The following EPHA6 variants were observed in gnomAD, a reference collection of about 807,000 sequenced individuals.
EPHA6 encodes the protein ephrin type-A receptor 6.
In EPHA6, 50 loss-of-function variants were observed where a neutral mutation model predicts 112.0. The ratio of observed to expected loss-of-function variants is 0.45; its 90% CI spans 0.36 to 0.56. EPHA6 has a LOEUF of 0.56. Among genes scored for constraint, EPHA6 ranks in the 20% least tolerant of loss-of-function variants. The probability of loss-of-function intolerance (pLI) is 0.00; values close to 1 mark genes in which losing one functional copy is unlikely to be tolerated. For synonymous variants in EPHA6, 529 were observed against 490.7 expected, an observed-to-expected ratio of 1.08 and a Z score of -1.03; for missense variants, 1,280 against 1,417.4, an observed-to-expected ratio of 0.90 and a Z score of 1.56.
intron 3 of EPHA6, among the ~76,000 whole-genome samples, chr3:97,115,876 T>A (rs763824502): frequency 6.6e-6 from 1 of 151,826 alleles, no homozygotes; most frequent in East Asian, 1.9e-4. Context: ...ATCATCATCA[T>A]GTGAAAAGCA....
At chr3:96,994,693 ATGTGTGTGTGTGTGTG>A (rs1255806171) in intron 3 of EPHA6, among the ~76,000 whole-genome samples, 1 of 109,904 alleles carries the variant, frequency 9.1e-6, no homozygotes, top group Non-Finnish European at 1.8e-5. Flanking sequence ...GTGTGTGTGT[ATGTGTGTGTGTGTGTG>A]TATATATATA....
rs1474112128 is a variant in EPHA6, at chr3:97,527,468, T to C, written c.2201-4890T>C. Among the ~76,000 whole-genome samples the C allele has an allele frequency of 2.0e-5, 3 of 152,138 alleles. No individual in the cohort carries two copies. In the East Asian group the frequency reaches 5.8e-4, roughly 29 times the overall value. ...TGCGTGACCACCTATTCTGCCATCT[T>C]ATCTCATCCCCTAGATATCTGTTTT... is the stretch of plus-strand genomic sequence containing the variant. On this transcript the variant is annotated intron_variant, in intron 10 of 17. Coordinates refer to ENST00000389672, the MANE Select transcript of EPHA6 (RefSeq NM_001080448.3).
intron 3 of EPHA6, among the ~76,000 whole-genome samples, chr3:97,172,385 T>C (rs1442374059): frequency 1.3e-5 from 2 of 152,030 alleles, no homozygotes; most frequent in East Asian, 3.9e-4. Context: ...GCTGGGAAGC[T>C]ATTTACTTTT....
intron 2 of EPHA6, among the ~76,000 whole-genome samples, chr3:96,931,624 C>T (rs2040331061): frequency 6.6e-6 from 1 of 152,346 alleles, no homozygotes; most frequent in South Asian, 2.1e-4. Context: ...TTTGCACTCT[C>T]CAAAGACAGC....
At chr3:97,056,678 G>T (rs780570955) in intron 3 of EPHA6, among the ~76,000 whole-genome samples, 1 of 152,150 alleles carries the variant, frequency 6.6e-6, no homozygotes, top group Non-Finnish European at 1.5e-5. Context: ...TAGTGCATAT[G>T]AATATAAAAT....
intron 14 of EPHA6, among the ~76,000 whole-genome samples, chr3:97,702,728 G>T (rs1051770875): frequency 6.6e-6 from 1 of 151,912 alleles, no homozygotes; most frequent in Non-Finnish European, 1.5e-5. Flanking sequence ...GGTCATTCTG[G>T]CTTCAACCCA....
chr3:97,317,352 C>T (rs1273744691), intron 5 of EPHA6, among the ~76,000 whole-genome samples: 1 of 151,958 alleles, frequency 6.6e-6, no homozygotes, highest in East Asian at 1.9e-4. Context: ...ACTATAAGTT[C>T]TCTTTTGCCC....
intron 14 of EPHA6, among the ~76,000 whole-genome samples, chr3:97,641,501 G>T (rs913257865): frequency 1.3e-5 from 2 of 152,150 alleles, no homozygotes; most frequent in Non-Finnish European, 2.9e-5. Flanking sequence ...GCAGAAGACG[G>T]GTGATTTCTG....
At chr3:97,466,786 C>T (rs2091071107) in intron 7 of EPHA6, among the ~76,000 whole-genome samples, 1 of 151,910 alleles carries the variant, frequency 6.6e-6, no homozygotes, top group Non-Finnish European at 1.5e-5. Context: ...ATCTCTCCAA[C>T]TTCCTCTTGT....
At chr3:97,158,979 C>G (rs2076352544) in intron 3 of EPHA6, among the ~76,000 whole-genome samples, 2 of 152,038 alleles carry the variant, frequency 1.3e-5, no homozygotes, top group Admixed American at 1.3e-4. Context: ...TTTGTGTGAC[C>G]CAGTTCCCAG....
chr3:96,940,212 T>C (rs1330297454), intron 2 of EPHA6, among the ~76,000 whole-genome samples: 12 of 152,148 alleles, frequency 7.9e-5, no homozygotes, highest in Non-Finnish European at 1.3e-4. Context: ...GTTAAAGTCT[T>C]CCATTATTAT....
chr3:97,116,730 G>A (rs970060996), intron 3 of EPHA6, among the ~76,000 whole-genome samples: 1 of 151,132 alleles, frequency 6.6e-6, no homozygotes, highest in African/African-American at 2.4e-5. Flanking sequence ...TTATACATTT[G>A]TCTGTCAGTG....
intron 3 of EPHA6, among the ~76,000 whole-genome samples, chr3:97,135,682 G>A (rs1313859152): frequency 6.6e-6 from 1 of 150,820 alleles, no homozygotes; most frequent in Non-Finnish European, 1.5e-5. Context: ...TCCCGGTGAT[G>A]CCCATACTGC....
At position 96,835,332 on chromosome 3, in the gene EPHA6, A is replaced by G. The variant is rs555612130; in HGVS notation, c.385+20324A>G. Among the ~76,000 whole-genome samples the G allele has an allele frequency of 1.4e-4, 22 of 152,192 alleles. No homozygotes were observed. The East Asian group carries it at 1.5e-3, about 11-fold the overall frequency. ...TATGTACAGCTTATCAAAGGCTTCA[A>G]AGGAAGTGGTGGTCACATCTACTTT... On this transcript the variant is annotated intron_variant, in intron 1 of 17. Transcript: ENST00000389672.
intron 12 of EPHA6, among the ~76,000 whole-genome samples, chr3:97,595,957 G>A (rs1000329293): frequency 1.7e-4 from 24 of 140,496 alleles, no homozygotes; most frequent in African/African-American, 6.5e-4. Flanking sequence ...CCAGGCTGGA[G>A]TGCAGTGGCA....
At chr3:96,940,384 G>A (rs2040866534) in intron 2 of EPHA6, among the ~76,000 whole-genome samples, 3 of 152,188 alleles carry the variant, frequency 2.0e-5, no homozygotes, top group South Asian at 2.1e-4. Flanking sequence ...ATCTTTGTTA[G>A]TTTAAAGTCT....
chr3:96,919,062 A>G (rs1189063081), intron 2 of EPHA6, among the ~76,000 whole-genome samples: 2 of 152,010 alleles, frequency 1.3e-5, no homozygotes, highest in Non-Finnish European at 2.9e-5. Flanking sequence ...TGTTGTTAAC[A>G]TAAAATCAAA....
At chr3:97,502,832 CAAAAAAAAAAAAA>C (rs397990595) in intron 10 of EPHA6, among the ~76,000 whole-genome samples, 5 of 35,900 alleles carry the variant, frequency 1.4e-4, no homozygotes, top group East Asian at 1.1e-3. Flanking sequence ...GACTCTGTCT[CAAAAAAAAAAAAA>C]AAAAAAAAAA....
intron 7 of EPHA6, chr3:97,466,206 G>T: frequency 1.3e-6 from 1 of 774,620 alleles, no homozygotes; most frequent in South Asian, 1.3e-5. Flanking sequence ...TATCCATCCA[G>T]TTACCGGGCA....
Sources: allele counts gnomAD v4.1 joint callset (sites outside exome capture counted in the v4.1 genomes callset), GRCh38; gene constraint gnomAD v4.1.1; transcripts MANE v1.5; gene names NCBI Gene and HGNC (gene_info 2026-07-23, HGNC 2026-07-21).